The following TTC28 variants were observed in gnomAD, a reference collection of about 807,000 sequenced individuals.
TTC28 encodes the protein tetratricopeptide repeat protein 28.
A neutral mutation model predicts 198.0 loss-of-function variants in TTC28; 61 were observed. The ratio of observed to expected loss-of-function variants is 0.31; its 90% confidence interval spans 0.25 to 0.38. TTC28 has a LOEUF of 0.38. TTC28 is among the 10% of genes least tolerant of loss of function. TTC28 has a pLI of 1.00. For synonymous variants in TTC28, 1,171 were observed against 1,297.8 expected, an observed-to-expected ratio of 0.90 and a Z score of 2.10; for missense variants, 2,678 against 3,164.0, an observed-to-expected ratio of 0.85 and a Z score of 3.69.
chr22:28,075,851 C>A (rs187650070), intron 12 of TTC28, among the ~76,000 whole-genome samples: 40 of 152,256 alleles, frequency 2.6e-4, no homozygotes, highest in African/African-American at 8.7e-4. Flanking sequence ...CTCTTTGTTC[C>A]GACCTTTATC....
chr22:28,416,887 C>T (rs2047174786), intron 2 of TTC28, among the ~76,000 whole-genome samples: 1 of 152,126 alleles, frequency 6.6e-6, no homozygotes, highest in Admixed American at 6.5e-5. Flanking sequence ...TCACTGAGTA[C>T]TTCATCTCTA....
intron 14 of TTC28, among the ~76,000 whole-genome samples, chr22:28,004,158 G>A (rs911722588): frequency 1.3e-5 from 2 of 152,206 alleles, no homozygotes; most frequent in Non-Finnish European, 2.9e-5. Context: ...GTGAGGGTTG[G>A]GGAAGGCCTG....
chr22:27,984,487 C>T (rs962677737), intron 22 of TTC28, among the ~76,000 whole-genome samples: 4 of 152,074 alleles, frequency 2.6e-5, no homozygotes, highest in African/African-American at 9.7e-5. Flanking sequence ...CACTCTGAAC[C>T]CTGGAATGCC....
At chr22:28,549,558 A>G (rs1221697803) in intron 2 of TTC28, among the ~76,000 whole-genome samples, 7 of 152,168 alleles carry the variant, frequency 4.6e-5, no homozygotes, top group Non-Finnish European at 1.0e-4. Flanking sequence ...AAGGATTTGG[A>G]TTCTCTCCTT....
At chr22:28,166,934 TAAAG>T (rs1267609605) in intron 5 of TTC28, among the ~76,000 whole-genome samples, 1 of 151,596 alleles carries the variant, frequency 6.6e-6, no homozygotes, top group East Asian at 1.9e-4. Flanking sequence ...GAAAGACTAA[TAAAG>T]AAGAAAAGAG....
chr22:27,998,428 C>G, intron 16 of TTC28, 112 bp downstream of exon 16: 1 of 1,434,742 alleles, frequency 7.0e-7, no homozygotes, highest in Non-Finnish European at 9.1e-7. Context: ...TCTTCTGTGG[C>G]TGGCCTTGCC....
chr22:28,326,150 A>T (rs1461641812), intron 2 of TTC28, among the ~76,000 whole-genome samples: 1 of 152,164 alleles, frequency 6.6e-6, no homozygotes, highest in African/African-American at 2.4e-5. Flanking sequence ...CAAGTAAGCA[A>T]CAAAAAGAAA....
intron 5 of TTC28, among the ~76,000 whole-genome samples, chr22:28,258,433 T>C (rs1931105478): frequency 6.6e-6 from 1 of 152,200 alleles, no homozygotes; most frequent in African/African-American, 2.4e-5. Context: ...TAGACCTACA[T>C]ATATTTTGGT....
chr22:28,385,148 A>G, intron 2 of TTC28, among the ~76,000 whole-genome samples: 1 of 151,768 alleles, frequency 6.6e-6, no homozygotes, highest in East Asian at 1.9e-4. Context: ...TCAAAAAAAA[A>G]AAAAAAAATT....
At position 28,643,480 on chromosome 22, in the gene TTC28, G is replaced by A. The variant is rs141495780; in HGVS notation, c.103-13650C>T. On this transcript the variant is annotated intron_variant, in intron 1 of 22. Transcript: ENST00000397906. ...CCTTCAATAAATTCCCAGTCCTTGGGTCAATTAAGTGAATACTTCTCAAAC... is the reference window on the plus strand; with the variant it reads ...CCTTCAATAAATTCCCAGTCCTTGGATCAATTAAGTGAATACTTCTCAAAC... Among the ~76,000 whole-genome samples, 556 of 152,270 alleles carry A rather than the reference G, an allele frequency of 3.7e-3. 3 individuals carry two copies. Among genetic ancestry groups the A allele is most frequent in the Non-Finnish European group, 6.1e-3 (417 of 68,036 alleles).
At chr22:28,342,247 C>T (rs184609353) in intron 2 of TTC28, among the ~76,000 whole-genome samples, 244 of 152,254 alleles carry the variant, frequency 1.6e-3, no homozygotes, top group African/African-American at 5.4e-3. Context: ...TACAGTTAAG[C>T]TTGAGATTCA....
intron 6 of TTC28, among the ~76,000 whole-genome samples, chr22:28,134,568 C>T (rs912609018): frequency 6.6e-6 from 1 of 151,906 alleles, no homozygotes; most frequent in Admixed American, 6.6e-5. Flanking sequence ...CTTCAGTAGC[C>T]GATTCGATCA....
chr22:28,127,126 C>A (rs1268643380), intron 6 of TTC28, among the ~76,000 whole-genome samples: 10 of 152,038 alleles, frequency 6.6e-5, no homozygotes, highest in African/African-American at 2.4e-4. Flanking sequence ...AAAGTCAGGC[C>A]CTGTTAAAAA....
intron 5 of TTC28, among the ~76,000 whole-genome samples, chr22:28,229,904 T>A (rs984812788): frequency 6.6e-6 from 1 of 151,684 alleles, no homozygotes; most frequent in Non-Finnish European, 1.5e-5. Context: ...TGCTTAAATT[T>A]AAAAAAAAAT....
At chr22:28,365,585 A>G (rs1403010669) in intron 2 of TTC28, among the ~76,000 whole-genome samples, 4 of 152,220 alleles carry the variant, frequency 2.6e-5, no homozygotes, top group Non-Finnish European at 2.9e-5. Context: ...TAATGGGCTC[A>G]GGGCCCCGGT....
chr22:27,985,215 C>T (rs1216446608), intron 22 of TTC28, 34 bp downstream of exon 22: 4 of 1,491,630 alleles, frequency 2.7e-6, no homozygotes, highest in Non-Finnish European at 1.8e-6. Flanking sequence ...ATGGCAGGCC[C>T]TGGTGGAGAA....
intron 1 of TTC28, among the ~76,000 whole-genome samples, chr22:28,640,127 C>G (rs1279787645): frequency 1.3e-5 from 2 of 151,784 alleles, no homozygotes; most frequent in Non-Finnish European, 2.9e-5. Flanking sequence ...GGGAACATGG[C>G]AAAACCCCAC....
intron 6 of TTC28, among the ~76,000 whole-genome samples, chr22:28,124,280 T>C (rs912847573): frequency 1.3e-5 from 2 of 152,108 alleles, no homozygotes; most frequent in Admixed American, 6.6e-5. Flanking sequence ...ACAAAGTATG[T>C]GGCTTGTGCT....
chr22:28,403,486 A>G (rs1184297607), intron 2 of TTC28, among the ~76,000 whole-genome samples: 1 of 152,130 alleles, frequency 6.6e-6, no homozygotes, highest in African/African-American at 2.4e-5. Context: ...TCTAAAGTCA[A>G]AGTTTTGCTA....
Sources: gnomAD v4.1 joint callset for allele counts (sites outside exome capture counted in the v4.1 genomes callset) on GRCh38, gnomAD v4.1.1 for gene constraint, MANE v1.5 for transcripts, NCBI Gene and HGNC (gene_info 2026-07-23, HGNC 2026-07-21) for gene names.